SYT9: variants seen among roughly 807,000 people sequenced by gnomAD.
The protein encoded by SYT9 is synaptotagmin 9.
Under a neutral mutation model 48.4 loss-of-function variants are expected in SYT9, and 22 were observed. That is an observed-to-expected ratio of 0.45 (90% confidence interval 0.32 to 0.65). The LOEUF (loss-of-function observed/expected upper bound fraction) is 0.65, where lower values mean the gene tolerates loss of function less well. Among genes scored for constraint, SYT9 ranks in the 30% least tolerant of loss-of-function variants. The probability of loss-of-function intolerance (pLI) is 0.03; values close to 1 mark genes in which losing one functional copy is unlikely to be tolerated. For missense variants in SYT9, 577 were observed against 622.0 expected, an observed-to-expected ratio of 0.93 and a Z score of 0.77; for synonymous variants, 265 against 245.0, an observed-to-expected ratio of 1.08 and a Z score of -0.76.
chr11:7,332,581 C>A (rs1191710557), intron 3 of SYT9, among the ~76,000 whole-genome samples: 1 of 152,206 alleles, frequency 6.6e-6, no homozygotes, highest in African/African-American at 2.4e-5. Flanking sequence ...GAGGGATCCT[C>A]TTCCCCTCAC....
chr11:7,324,615 C>T (rs1407768635), intron 3 of SYT9, among the ~76,000 whole-genome samples: 1 of 151,830 alleles, frequency 6.6e-6, no homozygotes, highest in Non-Finnish European at 1.5e-5. Context: ...TTTATCTAAG[C>T]ATCTTCTAGC....
intron 2 of SYT9, among the ~76,000 whole-genome samples, chr11:7,312,532 A>G (rs571808736): frequency 6.6e-6 from 1 of 152,364 alleles, no homozygotes; most frequent in East Asian, 1.9e-4. Flanking sequence ...GAAGACACAC[A>G]CAGATCAGAC....
At chr11:7,417,856 A>T in intron 4 of SYT9, 101 bp from the exon 5 acceptor site, 1 of 1,207,930 alleles carries the variant, frequency 8.3e-7, no homozygotes, top group Non-Finnish European at 1.2e-6. Flanking sequence ...CAGGTAAAGG[A>T]GTTCAGCATA....
Position 7,317,011 on chromosome 11 carries a change from G to A in SYT9, c.1044+3070G>A, listed in dbSNP as rs142115175. On this transcript the variant is annotated intron_variant, in intron 3 of 6. Coordinates refer to ENST00000318881, the MANE Select transcript of SYT9 (RefSeq NM_175733.4). ...TAAGCAGTTGGGATGCAAATCCCTTGTTGGTTATGTGTTTTACAAACATCA... is the reference window on the plus strand; with the variant it reads ...TAAGCAGTTGGGATGCAAATCCCTTATTGGTTATGTGTTTTACAAACATCA... 9.2e-5 allele frequency among the ~76,000 whole-genome samples: 14 copies of A among 152,260 alleles called. No individual in the cohort carries two copies. The East Asian group carries it at 2.5e-3, about 27-fold the overall frequency.
rs141196550 is a variant in SYT9 at position 7,241,207 on chromosome 11, A to AACACACAC, written c.49+2314_49+2321dup. Among the ~76,000 whole-genome samples the AACACACAC allele has an allele frequency of 3.5e-3, 499 of 144,196 alleles. 4 individuals carry two copies. The highest frequency in any genetic ancestry group is 0.012 in the African/African-American group (473 of 38,508). The allele number at this position is 144,196 out of a possible 152,430, so 94.6% of individuals were successfully genotyped here. A position where few individuals can be genotyped will look rare whatever the true frequency, so the allele number is the denominator to read the frequency against. ...ACAAGAAGGAAGAGGTGTTATTTAA[A>AACACACAC]ACACACACACACACACACACACACA... On this transcript the variant is annotated intron_variant and NMD_transcript_variant, in intron 1 of 8. Coordinates refer to the SYT9 transcript ENST00000524820.
Position 7,251,991 on chromosome 11 carries a change from G to T in SYT9, c.-196G>T. The T allele has an allele frequency of 2.0e-6, 1 of 502,318 alleles. No homozygotes were observed. The highest frequency in any genetic ancestry group is 4.4e-5 in the Admixed American group (1 of 22,616). The allele number at this position is 502,318 out of a possible 1,614,324, so 31.1% of individuals were successfully genotyped here. On this transcript the variant is annotated 5_prime_UTR_variant, in exon 1 of 7. Coordinates refer to ENST00000318881, the MANE Select transcript of SYT9 (RefSeq NM_175733.4). ...GAGAGAGAGAAAGCCTGACCGACCG[G>T]CTGGCGAAGAGCTGCATGCAACCGG...
At chr11:7,421,449 C>G (rs1847352243) in intron 6 of SYT9, among the ~76,000 whole-genome samples, 1 of 152,234 alleles carries the variant, frequency 6.6e-6, no homozygotes. Context: ...GTGGACATGT[C>G]AAGTTGCAGG....
chr11:7,357,355 G>A (rs933006604), intron 3 of SYT9, among the ~76,000 whole-genome samples: 3 of 152,144 alleles, frequency 2.0e-5, no homozygotes, highest in African/African-American at 7.2e-5. Context: ...GCAAAAGAGA[G>A]CCAATATCTG....
chr11:7,263,603 T>C (rs1848120044), intron 1 of SYT9, among the ~76,000 whole-genome samples: 2 of 152,102 alleles, frequency 1.3e-5, no homozygotes, highest in African/African-American at 4.8e-5. Flanking sequence ...TGGAGAAAAA[T>C]CAAGAACATG....
chr11:7,351,265 T>C (rs1849909538), intron 3 of SYT9, among the ~76,000 whole-genome samples: 1 of 152,218 alleles, frequency 6.6e-6, no homozygotes, highest in Non-Finnish European at 1.5e-5. Flanking sequence ...GAATGTCGTT[T>C]GGGGCAGTGG....
chr11:7,460,427 A>C (rs561595887), intron 6 of SYT9, among the ~76,000 whole-genome samples: 3 of 152,246 alleles, frequency 2.0e-5, no homozygotes, highest in African/African-American at 7.2e-5. Flanking sequence ...ATTTCTGTGA[A>C]TATTTCAAGC....
chr11:7,408,828 T>A (rs60963561), intron 3 of SYT9, among the ~76,000 whole-genome samples: 32,431 of 152,130 alleles, frequency 0.21, 3,922 homozygotes, highest in Non-Finnish European at 0.27. Context: ...TCATTTTTTT[T>A]AATTTGTTTT....
intron 1 of SYT9, among the ~76,000 whole-genome samples, chr11:7,295,941 C>T (rs961189682): frequency 1.3e-5 from 2 of 152,146 alleles, no homozygotes; most frequent in African/African-American, 4.8e-5. Context: ...CTCTTGTCCT[C>T]AGTAATTCAG....
intron 3 of SYT9, among the ~76,000 whole-genome samples, chr11:7,387,521 AGAAT>A (rs2031974291): frequency 6.6e-6 from 1 of 152,192 alleles, no homozygotes. Context: ...CGATAATGAC[AGAAT>A]GAATTCTTTG....
intron 3 of SYT9, among the ~76,000 whole-genome samples, chr11:7,393,161 A>C (rs1846670217): frequency 6.6e-6 from 1 of 152,122 alleles, no homozygotes; most frequent in South Asian, 2.1e-4. Flanking sequence ...GAGAGTAGGC[A>C]TCCTTATCTT....
At chr11:7,426,371 C>A (rs1032085769) in intron 6 of SYT9, among the ~76,000 whole-genome samples, 6 of 152,100 alleles carry the variant, frequency 3.9e-5, no homozygotes, top group African/African-American at 1.4e-4. Flanking sequence ...CCCTGTGGAT[C>A]CCTGAGGGCA....
At chr11:7,402,899 C>T (rs1846923696) in intron 3 of SYT9, among the ~76,000 whole-genome samples, 1 of 152,046 alleles carries the variant, frequency 6.6e-6, no homozygotes, top group African/African-American at 2.4e-5. Context: ...TTATTTTTCT[C>T]TTGGATTGAG....
intron 3 of SYT9, among the ~76,000 whole-genome samples, chr11:7,331,050 A>G (rs868656296): frequency 6.6e-6 from 1 of 151,752 alleles, no homozygotes; most frequent in African/African-American, 2.4e-5. Context: ...CACTCTCCTC[A>G]GCCTCCCAAA....
intron 3 of SYT9, among the ~76,000 whole-genome samples, chr11:7,353,230 T>C (rs188788200): frequency 7.9e-5 from 12 of 152,218 alleles, no homozygotes; most frequent in Admixed American, 3.9e-4. Context: ...ACGGGGTTTT[T>C]TTCTTCCTAG....
Sources: gnomAD v4.1 joint callset for allele counts (sites outside exome capture counted in the v4.1 genomes callset) on GRCh38, gnomAD v4.1.1 for gene constraint, MANE v1.5 for transcripts, NCBI Gene and HGNC (gene_info 2026-07-23, HGNC 2026-07-21) for gene names.